ADAMTSL1: variants seen among roughly 807,000 people sequenced by gnomAD.
ADAMTSL1 encodes the protein ADAMTS like 1, also known as ADAMTS-like protein 1.
A neutral mutation model predicts 201.8 loss-of-function variants in ADAMTSL1; 126 were observed. The observed-to-expected ratio is 0.62, with a 90% CI of 0.54 to 0.72. The LOEUF is 0.72. Ranked by LOEUF, ADAMTSL1 falls within the 30% of genes least tolerant of loss-of-function variation. The pLI, the probability that ADAMTSL1 is intolerant of heterozygous loss-of-function variation, is 0.00. For synonymous variants in ADAMTSL1, 1,121 were observed against 903.4 expected, an observed-to-expected ratio of 1.24 and a Z score of -4.32; for missense variants, 2,679 against 2,277.8, an observed-to-expected ratio of 1.18 and a Z score of -3.59.
intron 26 of ADAMTSL1, 52 bp downstream of exon 26, chr9:18,892,648 C>T: frequency 7.2e-6 from 11 of 1,525,392 alleles, no homozygotes; most frequent in Non-Finnish European, 8.8e-6. Flanking sequence ...AGGAATGGAC[C>T]CTGCCACAGT....
chr9:18,862,233 T>C (rs934591308), intron 23 of ADAMTSL1, among the ~76,000 whole-genome samples: 4 of 152,152 alleles, frequency 2.6e-5, no homozygotes, highest in Non-Finnish European at 1.5e-5. Flanking sequence ...AAGGTTCTTT[T>C]TTTGTGTTGG....
intron 1 of ADAMTSL1, among the ~76,000 whole-genome samples, chr9:18,061,994 T>C (rs1040926687): frequency 1.3e-5 from 2 of 152,182 alleles, no homozygotes; most frequent in Non-Finnish European, 2.9e-5. Flanking sequence ...ATGAAGGAAG[T>C]ACAAGTTGCA....
intron 2 of ADAMTSL1, among the ~76,000 whole-genome samples, chr9:18,271,111 C>T (rs10963546): frequency 0.3 from 45,086 of 151,952 alleles, 7,337 homozygotes; most frequent in South Asian, 0.47. Context: ...GTTCTAGTAA[C>T]TAACATTGCT....
chr9:18,071,179 C>T (rs550795203), intron 1 of ADAMTSL1, among the ~76,000 whole-genome samples: 139 of 152,280 alleles, frequency 9.1e-4, no homozygotes, highest in Non-Finnish European at 1.5e-3. Flanking sequence ...ACGGCATGTC[C>T]CCAAGTTGAC....
chr9:18,380,877 C>T (rs1383886516), intron 2 of ADAMTSL1, among the ~76,000 whole-genome samples: 1 of 152,178 alleles, frequency 6.6e-6, no homozygotes, highest in Admixed American at 6.5e-5. Flanking sequence ...TTACAAAACG[C>T]AGGGAGAGGA....
intron 2 of ADAMTSL1, among the ~76,000 whole-genome samples, chr9:18,258,901 G>A (rs1005803447): frequency 6.6e-6 from 1 of 152,072 alleles, no homozygotes; most frequent in Admixed American, 6.5e-5. Context: ...TTGCTTCTGC[G>A]TAGGTCAGCA....
At chr9:18,529,796 T>C (rs1223876554) in intron 2 of ADAMTSL1, among the ~76,000 whole-genome samples, 1 of 152,138 alleles carries the variant, frequency 6.6e-6, no homozygotes, top group Non-Finnish European at 1.5e-5. Flanking sequence ...CTCAAAAAAG[T>C]AATATATTAA....
rs35648138 is a variant in ADAMTSL1, at chr9:18,746,774, C to CAA, written c.2007-6506_2007-6505dup. 7.5e-3 allele frequency among the ~76,000 whole-genome samples: 901 copies of CAA among 120,650 alleles called. 13 individuals carry two copies. The highest frequency in any genetic ancestry group is 0.025 in the African/African-American group (786 of 31,856). 79.2% of individuals were successfully genotyped at this position (120,650 alleles called of 152,430 possible). ...TAATGAGCCCTTGTCCAAAGGAAGG[C>CAA]AAAAAAAAAAAAAAAAAAATTCCTC... On this transcript the variant is annotated intron_variant, in intron 15 of 28. Transcript: ENST00000380548.
intron 8 of ADAMTSL1, among the ~76,000 whole-genome samples, chr9:18,661,495 T>A (rs1829090542): frequency 6.6e-6 from 1 of 152,136 alleles, no homozygotes; most frequent in African/African-American, 2.4e-5. Context: ...CAATGTGGGA[T>A]TTATTTTGTT....
chr9:18,278,422 C>A (rs956587195), intron 2 of ADAMTSL1, among the ~76,000 whole-genome samples: 1 of 152,140 alleles, frequency 6.6e-6, no homozygotes, highest in Non-Finnish European at 1.5e-5. Context: ...TTGCCTGGTA[C>A]AGTATTGTTG....
In ADAMTSL1 at chr9:18,019,771, G is replaced by C. The variant is rs556775873; in HGVS notation, c.87+112849G>C. ...TCTTTGGAATCTCAGAATTCTACTG[G>C]CAGGAAGCAGGCAGGAAAAACTGTT... On this transcript the variant is annotated intron_variant, in intron 1 of 29. Transcript: ENST00000680146. Among the ~76,000 whole-genome samples, 6 of 152,168 alleles carry C rather than the reference G, an allele frequency of 3.9e-5. No homozygotes were observed. In the East Asian group the frequency reaches 1.2e-3, roughly 30 times the overall value.
At chr9:18,199,918 T>C (rs1829364094) in intron 2 of ADAMTSL1, among the ~76,000 whole-genome samples, 1 of 152,102 alleles carries the variant, frequency 6.6e-6, no homozygotes, top group Non-Finnish European at 1.5e-5. Flanking sequence ...ATTTGTTATC[T>C]GCAGTGTGGT....
intron 23 of ADAMTSL1, among the ~76,000 whole-genome samples, chr9:18,861,967 G>A (rs1827241338): frequency 6.6e-6 from 1 of 152,082 alleles, no homozygotes; most frequent in Admixed American, 6.5e-5. Context: ...TCAAGACCCA[G>A]GAGACTAATG....
At chr9:18,648,444 T>C (rs1827966247) in intron 7 of ADAMTSL1, among the ~76,000 whole-genome samples, 2 of 152,318 alleles carry the variant, frequency 1.3e-5, no homozygotes, top group Non-Finnish European at 2.9e-5. Flanking sequence ...TGTTAGCTGG[T>C]AATTTTCCTC....
intron 1 of ADAMTSL1, among the ~76,000 whole-genome samples, chr9:17,973,263 G>A (rs13291311): frequency 0.8 from 114,431 of 143,098 alleles, 46,167 homozygotes; most frequent in East Asian, 0.92. Flanking sequence ...GAATGGTATT[G>A]CCTAGGTTTT....
At chr9:18,224,650 T>C (rs906216013) in intron 2 of ADAMTSL1, among the ~76,000 whole-genome samples, 1 of 152,136 alleles carries the variant, frequency 6.6e-6, no homozygotes, top group Non-Finnish European at 1.5e-5. Flanking sequence ...CTTATGAACA[T>C]CCTATGGATC....
At chr9:18,804,712 T>A (rs1409467360) in intron 20 of ADAMTSL1, among the ~76,000 whole-genome samples, 3 of 152,208 alleles carry the variant, frequency 2.0e-5, no homozygotes, top group Non-Finnish European at 4.4e-5. Context: ...TTTATTTGAC[T>A]CATGAGTCTT....
intron 1 of ADAMTSL1, among the ~76,000 whole-genome samples, chr9:18,147,906 A>C (rs1018476822): frequency 3.3e-5 from 5 of 152,090 alleles, no homozygotes; most frequent in Non-Finnish European, 5.9e-5. Context: ...CATATTGGAG[A>C]TACCAGCTTC....
chr9:18,576,442 A>G (rs574591537), intron 4 of ADAMTSL1, among the ~76,000 whole-genome samples: 6 of 152,218 alleles, frequency 3.9e-5, no homozygotes, highest in Middle Eastern at 3.2e-3. Context: ...CAGCATAGCT[A>G]TAGAAATTTG....
Sources: gnomAD v4.1 joint callset for allele counts (sites outside exome capture counted in the v4.1 genomes callset) on GRCh38, gnomAD v4.1.1 for gene constraint, MANE v1.5 for transcripts, NCBI Gene and HGNC (gene_info 2026-07-23, HGNC 2026-07-21) for gene names.